Variants in EYA2 observed in about 807,000 individuals in gnomAD.
The protein encoded by EYA2 is EYA transcriptional coactivator and phosphatase 2, also known as protein phosphatase EYA2.
A neutral mutation model predicts 69.2 loss-of-function variants in EYA2; 31 were observed. That is an observed-to-expected ratio of 0.45 (90% CI 0.34 to 0.60). The LOEUF (loss-of-function observed/expected upper bound fraction) is 0.60. Among genes scored for constraint, EYA2 ranks in the 20% least tolerant of loss-of-function variants. EYA2 has a pLI of 0.02. For missense variants in EYA2, 622 were observed against 701.2 expected (o/e 0.89, Z 1.28); for synonymous variants, 257 against 279.4 (o/e 0.92, Z 0.80).
At chr20:47,069,982 A>T (rs114336048) in intron 5 of EYA2, among the ~76,000 whole-genome samples, 2,688 of 152,290 alleles carry the variant, frequency 0.018, 78 homozygotes, top group African/African-American at 0.062. Context: ...AGAAGAAAAC[A>T]CAAGAGCAGT....
intron 5 of EYA2, among the ~76,000 whole-genome samples, chr20:47,063,127 C>T (rs906764015): frequency 6.6e-6 from 1 of 152,072 alleles, no homozygotes; most frequent in Non-Finnish European, 1.5e-5. Flanking sequence ...GCGTTTAGTG[C>T]GTTCACAGTG....
At chr20:46,974,332 C>A (rs936673890) in intron 1 of EYA2, among the ~76,000 whole-genome samples, 7 of 152,210 alleles carry the variant, frequency 4.6e-5, no homozygotes, top group African/African-American at 1.7e-4. Context: ...TCCAACATTT[C>A]TCTCCTGCCT....
intron 1 of EYA2, among the ~76,000 whole-genome samples, chr20:46,932,508 G>A (rs1490909459): frequency 6.6e-6 from 1 of 151,660 alleles, no homozygotes; most frequent in Non-Finnish European, 1.5e-5. Context: ...CTGGTGGGAG[G>A]TGATTGGATC....
At chr20:47,071,013 AT>A (rs150490566) in intron 5 of EYA2, among the ~76,000 whole-genome samples, 48 of 145,250 alleles carry the variant, frequency 3.3e-4, no homozygotes, top group South Asian at 4.4e-4. Context: ...CACACCTGGA[AT>A]TTTTTTTTTT....
At chr20:47,135,918 C>T (rs375562762) in intron 9 of EYA2, among the ~76,000 whole-genome samples, 12 of 149,148 alleles carry the variant, frequency 8.0e-5, no homozygotes, top group East Asian at 5.9e-4. Context: ...CCTAGCTACT[C>T]AGGAGGCTGA....
rs1440846354 is a variant in EYA2, at chr20:47,047,394, C to CTTTTTTTTTT, written c.416-24790_416-24789insTTTTTTTTTT. Among the ~76,000 whole-genome samples, 951 of 129,116 alleles carry CTTTTTTTTTT rather than the reference C, an allele frequency of 7.4e-3. 9 individuals carry two copies. The highest frequency in any genetic ancestry group is 0.027 in the African/African-American group (905 of 33,206). The allele number at this position is 129,116 out of a possible 152,430, so 84.7% of individuals were successfully genotyped here. ...ACTGCTTTATTTTTTGTCTCTCTCT[C>CTTTTTTTTTT]TCTTTTTTTTGAGACAAAGTCTCAC... On this transcript the variant is annotated intron_variant, in intron 5 of 15. Coordinates refer to ENST00000327619, the MANE Select transcript of EYA2 (RefSeq NM_005244.5).
intron 5 of EYA2, among the ~76,000 whole-genome samples, chr20:47,034,446 A>C (rs1462053569): frequency 6.6e-6 from 1 of 152,202 alleles, no homozygotes; most frequent in Non-Finnish European, 1.5e-5. Flanking sequence ...AGATGAGTAG[A>C]GTCTGGATGC....
chr20:47,148,904 G>C (rs1264841554), intron 10 of EYA2, among the ~76,000 whole-genome samples: 1 of 152,068 alleles, frequency 6.6e-6, no homozygotes, highest in Non-Finnish European at 1.5e-5. Context: ...CTAGGTCTGC[G>C]GCCTCTGTCC....
At chr20:47,054,292 A>C (rs1221599486) in intron 5 of EYA2, among the ~76,000 whole-genome samples, 1 of 152,192 alleles carries the variant, frequency 6.6e-6, no homozygotes, top group African/African-American at 2.4e-5. Flanking sequence ...CATCTCATTC[A>C]CATCTCTGTC....
At chr20:46,975,776 G>A (rs1285943531) in intron 1 of EYA2, among the ~76,000 whole-genome samples, 3 of 152,190 alleles carry the variant, frequency 2.0e-5, no homozygotes, top group Non-Finnish European at 2.9e-5. Context: ...TTAGCCGGGC[G>A]TGGTTCTGTG....
intron 1 of EYA2, among the ~76,000 whole-genome samples, chr20:46,932,578 A>T (rs1446185644): frequency 6.6e-6 from 1 of 152,146 alleles, no homozygotes; most frequent in Non-Finnish European, 1.5e-5. Context: ...ATGAGAGCTG[A>T]TGCTGTTAAA....
At chr20:47,060,706 A>G (rs946546056) in intron 5 of EYA2, among the ~76,000 whole-genome samples, 1 of 152,184 alleles carries the variant, frequency 6.6e-6, no homozygotes, top group Non-Finnish European at 1.5e-5. Flanking sequence ...CACTGAAGCC[A>G]TCTATCACTG....
rs557151773 is a variant in EYA2 at position 47,034,051 on chromosome 20, A to G, written c.415+17754A>G. 3.9e-5 allele frequency among the ~76,000 whole-genome samples: 6 copies of G among 152,340 alleles called. No individual in the cohort carries two copies. In the South Asian group the frequency reaches 1.2e-3, roughly 32 times the overall value. On this transcript the variant is annotated intron_variant, in intron 5 of 15. Coordinates refer to ENST00000327619, the MANE Select transcript of EYA2 (RefSeq NM_005244.5). The stretch of plus-strand genomic sequence containing the variant: ...TGATAAAGGGAGGAAGGAAGTCTCT[A>G]TTTGATGCTGATATATCTTCAATGT...
chr20:46,989,612 C>A (rs1981519540), intron 1 of EYA2, among the ~76,000 whole-genome samples: 1 of 152,226 alleles, frequency 6.6e-6, no homozygotes, highest in Non-Finnish European at 1.5e-5. Context: ...CTCCCCAAGC[C>A]TCTGGCTTTT....
chr20:47,069,826 A>G (rs1330196744), intron 5 of EYA2, among the ~76,000 whole-genome samples: 1 of 149,222 alleles, frequency 6.7e-6, no homozygotes, highest in South Asian at 2.1e-4. Flanking sequence ...GTGTGTGTGT[A>G]TATGTATATA....
At chr20:47,091,598 A>T (rs1165706712) in intron 8 of EYA2, among the ~76,000 whole-genome samples, 1 of 137,704 alleles carries the variant, frequency 7.3e-6, no homozygotes, top group Non-Finnish European at 1.6e-5. Context: ...AAAAAAAAAA[A>T]GCCAGCCATG....
chr20:46,990,620 G>T (rs1600616431), intron 2 of EYA2, among the ~76,000 whole-genome samples: 1 of 152,232 alleles, frequency 6.6e-6, no homozygotes, highest in Non-Finnish European at 1.5e-5. Context: ...AAAACTATTG[G>T]CAAATGATGC....
chr20:46,954,764 G>A (rs557804502), intron 1 of EYA2, among the ~76,000 whole-genome samples: 5 of 152,306 alleles, frequency 3.3e-5, no homozygotes, highest in East Asian at 3.9e-4. Context: ...GTGAGTTCAT[G>A]TCAACCCTGA....
intron 1 of EYA2, among the ~76,000 whole-genome samples, chr20:46,914,045 G>A (rs139544928): frequency 7.2e-5 from 11 of 152,240 alleles, no homozygotes; most frequent in African/African-American, 1.7e-4. Context: ...TCTCAGTCCC[G>A]TTCCTCCTCT....
Sources: allele counts gnomAD v4.1 joint callset (sites outside exome capture counted in the v4.1 genomes callset), GRCh38; gene constraint gnomAD v4.1.1; transcripts MANE v1.5; gene names NCBI Gene and HGNC (gene_info 2026-07-23, HGNC 2026-07-21).